The following CHD7 variants were observed in gnomAD, a reference collection of about 807,000 sequenced individuals.
The protein encoded by CHD7 is chromodomain helicase DNA binding protein 7, also known as ATP-dependent chromatin remodeler CHD7.
A neutral mutation model predicts 307.3 loss-of-function variants in CHD7; 24 were observed. The ratio of observed to expected loss-of-function variants is 0.08; its 90% CI spans 0.06 to 0.11. The LOEUF (loss-of-function observed/expected upper bound fraction) is 0.11, where lower values mean the gene tolerates loss of function less well. CHD7 is among the 10% of genes least tolerant of loss of function. The pLI is 1.00. For missense variants in CHD7, 3,106 were observed against 3,727.1 expected (o/e 0.83, Z 4.34); for synonymous variants, 1,363 against 1,349.9 (o/e 1.01, Z -0.21).
chr8:60,823,425 AG>A (rs1563632116), intron 12 of CHD7, among the ~76,000 whole-genome samples: 1 of 151,876 alleles, frequency 6.6e-6, no homozygotes, highest in Non-Finnish European at 1.5e-5. Flanking sequence ...ATAGATAGAT[AG>A]ATAGATAGAT....
At chr8:60,730,049 CAAT>C (rs1048731900) in intron 1 of CHD7, among the ~76,000 whole-genome samples, 7 of 151,928 alleles carry the variant, frequency 4.6e-5, no homozygotes, top group Middle Eastern at 3.2e-3. Flanking sequence ...AGTCAATGCT[CAAT>C]GATGTAGAAT....
intron 1 of CHD7, among the ~76,000 whole-genome samples, chr8:60,681,425 G>A (rs1805622660): frequency 6.6e-6 from 1 of 152,178 alleles, no homozygotes. Context: ...TGATAATAAA[G>A]AGGCTGAAAG....
At chr8:60,843,721 AAGG>A (rs754676392) in intron 21 of CHD7, among the ~76,000 whole-genome samples, 4 of 152,220 alleles carry the variant, frequency 2.6e-5, no homozygotes, top group Non-Finnish European at 5.9e-5. Context: ...GGAGGAATGA[AAGG>A]AGGAATTCCA....
Position 60,852,873 on chromosome 8 carries a change from C to A in CHD7, c.6148C>A (p.Arg2050=). 6.2e-7 allele frequency: 1 copy of A among 1,613,880 alleles called. No homozygotes were observed. Among genetic ancestry groups the A allele is most frequent in the Middle Eastern group, 1.6e-4 (1 of 6,062 alleles). The change falls in exon 31 of 38, where the codon CGA becomes AGA. Residue 2050 remains arginine, a synonymous_variant. Coordinates refer to ENST00000423902, the MANE Select transcript of CHD7 (RefSeq NM_017780.4). ...SSIIEPITEE[R]ASRTLYRIEL... is the part of the protein sequence containing the mutation. Reference sequence around the variant, plus strand: ...CATAATTGAGCCGATCACAGAGGAGCGAGCCTCTCGAACTCTGTACCGCAT... The same window carrying A: ...CATAATTGAGCCGATCACAGAGGAGAGAGCCTCTCGAACTCTGTACCGCAT...
intron 15 of CHD7, among the ~76,000 whole-genome samples, chr8:60,833,181 GGC>G (rs1374326111): frequency 6.6e-6 from 1 of 152,156 alleles, no homozygotes; most frequent in African/African-American, 2.4e-5. Context: ...AATTGGTTGT[GGC>G]AGAGTAAAGA....
intron 34 of CHD7, among the ~76,000 whole-genome samples, chr8:60,858,263 TA>T (rs1337315527): frequency 1.3e-5 from 2 of 152,068 alleles, no homozygotes; most frequent in African/African-American, 4.8e-5. Context: ...CTCAAAAAAA[TA>T]AAGAAAATTT....
chr8:60,825,285 T>A (rs1300838837), intron 13 of CHD7: 1 of 152,236 alleles, frequency 6.6e-6, no homozygotes, highest in African/African-American at 2.4e-5. Context: ...GCTATGCTTT[T>A]AGTTTAAAAC....
At chr8:60,738,223 A>C (rs1808803276) in intron 1 of CHD7, among the ~76,000 whole-genome samples, 1 of 152,238 alleles carries the variant, frequency 6.6e-6, no homozygotes, top group African/African-American at 2.4e-5. Context: ...TGTAAATTAC[A>C]TACTGGGTTT....
At chr8:60,760,804 A>C (rs1810154555) in intron 2 of CHD7, among the ~76,000 whole-genome samples, 1 of 152,012 alleles carries the variant, frequency 6.6e-6, no homozygotes, top group African/African-American at 2.4e-5. Context: ...ATACCATCTC[A>C]CACCAGTTAG....
chr8:60,764,711 C>T (rs984327672), intron 2 of CHD7, among the ~76,000 whole-genome samples: 1 of 152,176 alleles, frequency 6.6e-6, no homozygotes, highest in Non-Finnish European at 1.5e-5. Context: ...GTATTCTCCC[C>T]TTTAAAAATC....
chr8:60,727,791 G>T (rs1808247271), intron 1 of CHD7, among the ~76,000 whole-genome samples: 1 of 152,058 alleles, frequency 6.6e-6, no homozygotes, highest in African/African-American at 2.4e-5. Context: ...CTTTCATATT[G>T]TACTGTCTCC....
chr8:60,777,598 C>T lies in CHD7; in HGVS notation c.1666-3402C>T, dbSNP rs571894195. Among the ~76,000 whole-genome samples the T allele has an allele frequency of 5.9e-5, 9 of 152,298 alleles. No homozygotes were observed. In the South Asian group the frequency reaches 1.9e-3, roughly 32 times the overall value. Reference sequence around the variant, plus strand: ...ATTGCTCTCACTTCCCCCATCGGGTCTCCTTTGGTTAAATTTGCATCTTGT... The same window carrying T: ...ATTGCTCTCACTTCCCCCATCGGGTTTCCTTTGGTTAAATTTGCATCTTGT... On this transcript the variant is annotated intron_variant, in intron 2 of 37. Coordinates refer to ENST00000423902, the MANE Select transcript of CHD7 (RefSeq NM_017780.4).
Position 60,856,180 on chromosome 8 carries a change from C to A in CHD7, c.7142C>A (p.Thr2381Asn). ...AGCATTAGTGGGAGTGAGGACATCA[C>A]TACGTCTCCTCAGTTGTCAAAGGTG... ...QASISGSEDI[T>N]TSPQLSKEDA... The change falls in exon 33 of 38, where the codon ACT becomes AAT. Residue 2381 changes from threonine (T) to asparagine (N), a missense_variant. Physicochemically the swap from Thr to Asn is moderately conservative, Grantham distance 65. Transcript: ENST00000423902. 6.3e-7 allele frequency: 1 copy of A among 1,595,520 alleles called. No individual in the cohort carries two copies. The highest frequency in any genetic ancestry group is 8.5e-7 in the Non-Finnish European group (1 of 1,170,326).
chr8:60,745,041 T>G (rs973540202), intron 2 of CHD7, among the ~76,000 whole-genome samples: 1 of 150,442 alleles, frequency 6.6e-6, no homozygotes, highest in Non-Finnish European at 1.5e-5. Flanking sequence ...CCTGAAGACC[T>G]TGGTGATCCT....
chr8:60,777,762 A>G lies in CHD7; in HGVS notation c.1666-3238A>G, dbSNP rs4738824. Among the ~76,000 whole-genome samples, 122,076 of 152,162 alleles carry G rather than the reference A, an allele frequency of 0.8. 49,130 individuals are homozygous for G. Among genetic ancestry groups the G allele is most frequent in the East Asian group, 0.94 (4,889 of 5,186 alleles). On this transcript the variant is annotated intron_variant, in intron 2 of 37. Coordinates refer to ENST00000423902, the MANE Select transcript of CHD7 (RefSeq NM_017780.4). ...CAACAAAACACACTCACCTTAGATC[A>G]TTTTTATTTATAGTTTAAGTATCAG...
chr8:60,752,517 T>C (rs1468164188), intron 2 of CHD7, among the ~76,000 whole-genome samples: 3 of 152,234 alleles, frequency 2.0e-5, no homozygotes, highest in Non-Finnish European at 2.9e-5. Flanking sequence ...GCATATCCTT[T>C]CTTGTGAACA....
At position 60,744,806 on chromosome 8, in the gene CHD7, G is replaced by A. The variant is rs1054921579; in HGVS notation, c.1665+1709G>A. ...GGAGGTGGATGTTGCAGTGAGCTGA[G>A]ATTGTGCCACTTCACTCCAGCCTGG... On this transcript the variant is annotated intron_variant, in intron 2 of 37. Coordinates refer to ENST00000423902, the MANE Select transcript of CHD7 (RefSeq NM_017780.4). 7.9e-5 allele frequency among the ~76,000 whole-genome samples: 12 copies of A among 151,244 alleles called. No homozygotes were observed. In the East Asian group the frequency reaches 9.8e-4, roughly 12 times the overall value.
intron 2 of CHD7, among the ~76,000 whole-genome samples, chr8:60,779,884 T>C (rs947134222): frequency 4.6e-5 from 7 of 152,110 alleles, no homozygotes; most frequent in Non-Finnish European, 7.4e-5. Context: ...ACTATAAAAT[T>C]TGAAGAATCA....
rs762344310 is a variant in CHD7, at chr8:60,865,712, G to A, written c.8773G>A (p.Ala2925Thr). 13 of 1,608,052 alleles carry A rather than the reference G, an allele frequency of 8.1e-6. No individual in the cohort carries two copies. The East Asian group carries it at 2.7e-4, about 33-fold the overall frequency. ...GACGCTGCCTGGGTTCCCAGCATTG[G>A]CAGGACTTCAGAATGCCGTGGGCTC... ...GLTLPGFPALAGLQNAVGSSE... is the reference protein window; with the variant it reads ...GLTLPGFPALTGLQNAVGSSE... Residue 2925 changes from alanine (A) to threonine (T), a missense_variant, in exon 38 of 38, where the codon GCA (alanine) becomes ACA (threonine). Transcript: ENST00000423902. This position sits in a 1 kb window ranked among gnomAD's most constrained non-coding sequence, Gnocchi z 4.3.
Sources: allele counts gnomAD v4.1 joint callset (sites outside exome capture counted in the v4.1 genomes callset), GRCh38; gene constraint gnomAD v4.1.1; non-coding constraint Gnocchi (gnomAD v3.1); transcripts MANE v1.5; gene names NCBI Gene and HGNC (gene_info 2026-07-23, HGNC 2026-07-21).